MCTP2: variants seen among roughly 807,000 people sequenced by gnomAD.
MCTP2 encodes the protein multiple C2 and transmembrane domain containing 2.
In MCTP2, 132 loss-of-function variants were observed where a neutral mutation model predicts 111.6. The observed-to-expected ratio is 1.18, with a 90% CI of 1.03 to 1.37. The LOEUF (loss-of-function observed/expected upper bound fraction) is 1.37. MCTP2 is among the 40% of genes most tolerant of loss of function. The pLI is 0.00. For synonymous variants in MCTP2, 395 were observed against 387.7 expected (o/e 1.02, Z -0.22); for missense variants, 1,183 against 1,067.9 (o/e 1.11, Z -1.50).
chr15:94,384,844 A>G (rs149863013), intron 13 of MCTP2, among the ~76,000 whole-genome samples: 6,299 of 152,320 alleles, frequency 0.041, 178 homozygotes, highest in Middle Eastern at 0.078. Flanking sequence ...ACTTTTGCCA[A>G]TGGCCAGATA....
At chr15:94,269,733 A>G (rs992720717) in intron 1 of MCTP2, among the ~76,000 whole-genome samples, 11 of 152,184 alleles carry the variant, frequency 7.2e-5, no homozygotes, top group African/African-American at 1.9e-4. Context: ...CACAGAGCCT[A>G]TTATATTCCC....
chr15:94,325,316 A>G (rs2076812663), intron 4 of MCTP2, among the ~76,000 whole-genome samples: 1 of 152,162 alleles, frequency 6.6e-6, no homozygotes, highest in Admixed American at 6.5e-5. Context: ...ATATGCAATA[A>G]ACATTAGCTG....
chr15:94,303,561 A>G lies in MCTP2; in HGVS notation c.465+4831A>G, dbSNP rs140507058. Among the ~76,000 whole-genome samples, 13 of 152,294 alleles carry G rather than the reference A, an allele frequency of 8.5e-5. 1 individual carries two copies. In the East Asian group the frequency reaches 2.5e-3, roughly 29 times the overall value. ...ATCAAGTTGACATTCAGTATTAACT[A>G]TCACACTCCCAGTCATAAAACCATC... is the stretch of plus-strand genomic sequence containing the variant. On this transcript the variant is annotated intron_variant, in intron 2 of 22. Transcript: ENST00000357742.
chr15:94,383,803 G>A (rs758599372), intron 12 of MCTP2, among the ~76,000 whole-genome samples: 34 of 152,136 alleles, frequency 2.2e-4, no homozygotes, highest in African/African-American at 6.0e-4. Context: ...CGTATCAGGC[G>A]GTGTGTTTGT....
At position 94,303,745 on chromosome 15, in the gene MCTP2, C is replaced by T. The variant is rs540974222; in HGVS notation, c.465+5015C>T. Reference sequence around the variant, plus strand: ...ACACGGAGCAAACTTACTTCATATTCATTCTGTTCTACTGAAATCCTTCCC... The same window carrying T: ...ACACGGAGCAAACTTACTTCATATTTATTCTGTTCTACTGAAATCCTTCCC... On this transcript the variant is annotated intron_variant, in intron 2 of 22. Coordinates refer to ENST00000357742, the MANE Select transcript of MCTP2 (RefSeq NM_001385001.1). 3.9e-5 allele frequency among the ~76,000 whole-genome samples: 6 copies of T among 152,232 alleles called. No homozygotes were observed. The South Asian group carries it at 1.2e-3, about 32-fold the overall frequency.
At chr15:94,362,372 A>AT (rs2078986512) in intron 10 of MCTP2, among the ~76,000 whole-genome samples, 2 of 151,384 alleles carry the variant, frequency 1.3e-5, no homozygotes, top group South Asian at 4.1e-4. Context: ...TCATTATAGA[A>AT]TTTTCTAGAC....
Position 94,476,790 on chromosome 15 carries a change from A to G in MCTP2, c.2565A>G (p.Gln855=), listed in dbSNP as rs1256136905. Residue 855 remains glutamine, a synonymous_variant, in exon 22 of 23, where the codon CAA becomes CAG. Transcript: ENST00000357742. The part of the protein sequence containing the change: ...DFLSRVPSDV[Q]KVQYAELKLC... The stretch of plus-strand genomic sequence containing the variant: ...TCTCTAGGGTACCGTCTGATGTTCA[A>G]AAGGTATGTAATGAATGGTTACCAC... 6.4e-7 allele frequency: 1 copy of G among 1,566,244 alleles called. No homozygotes were observed. The highest frequency in any genetic ancestry group is 1.7e-5 in the Admixed American group (1 of 59,892).
At chr15:94,428,991 T>A (rs1347435904) in intron 17 of MCTP2, among the ~76,000 whole-genome samples, 1 of 152,174 alleles carries the variant, frequency 6.6e-6, no homozygotes, top group African/African-American at 2.4e-5. Context: ...ACTCTCCTTT[T>A]CACTCTTCTA....
Position 94,482,064 on chromosome 15 carries a change from A to G in MCTP2, c.*3030A>G, listed in dbSNP as rs2074754226. On this transcript the variant is annotated 3_prime_UTR_variant, in exon 23 of 23. Coordinates refer to ENST00000357742, the MANE Select transcript of MCTP2 (RefSeq NM_001385001.1). ...ATGTTTATTTCTAGGTGGTAAAACA[A>G]TCTTCTGGATTCTTTTTTCTTTACT... The G allele has an allele frequency of 6.6e-6, 1 of 152,222 alleles. No individual in the cohort carries two copies. Among genetic ancestry groups the G allele is most frequent in the Non-Finnish European group, 1.5e-5 (1 of 68,032 alleles). 9.4% of individuals were successfully genotyped at this position (152,222 alleles called of 1,614,324 possible).
chr15:94,379,544 A>C (rs985646232), intron 12 of MCTP2, among the ~76,000 whole-genome samples: 1 of 151,682 alleles, frequency 6.6e-6, no homozygotes, highest in Non-Finnish European at 1.5e-5. Flanking sequence ...TATTGTATTG[A>C]CAGTCTAGGG....
intron 1 of MCTP2, among the ~76,000 whole-genome samples, chr15:94,245,411 TA>T (rs2071826258): frequency 7.3e-6 from 1 of 137,610 alleles, no homozygotes; most frequent in Non-Finnish European, 1.6e-5. Flanking sequence ...TGTATATATT[TA>T]TATACATGTG....
Position 94,369,226 on chromosome 15 carries a change from A to G in MCTP2, c.1489-861A>G, listed in dbSNP as rs182362532. ...GGCAAACTGTTATTAAGCTTGTGTT[A>G]TTCTACCTGAAATGCCTAAATAGCA... On this transcript the variant is annotated intron_variant, in intron 11 of 22. Transcript: ENST00000357742. Among the ~76,000 whole-genome samples the G allele has an allele frequency of 2.0e-5, 3 of 152,346 alleles. No homozygotes were observed. The East Asian group carries it at 5.8e-4, about 29-fold the overall frequency.
chr15:94,417,159 A>G (rs558272302), intron 17 of MCTP2, among the ~76,000 whole-genome samples: 11 of 152,232 alleles, frequency 7.2e-5, no homozygotes, highest in African/African-American at 2.4e-4. Flanking sequence ...AAAATAAACA[A>G]TCCCTTGGCT....
chr15:94,238,627 A>T (rs1030699309), intron 1 of MCTP2, among the ~76,000 whole-genome samples: 2 of 152,206 alleles, frequency 1.3e-5, no homozygotes, highest in Admixed American at 1.3e-4. Context: ...CTCAGAGCTT[A>T]CAGTTGAGAG....
chr15:94,237,092 G>A (rs959372620), intron 1 of MCTP2, among the ~76,000 whole-genome samples: 17 of 152,170 alleles, frequency 1.1e-4, no homozygotes, highest in Non-Finnish European at 1.9e-4. Context: ...CTGAGTCTGA[G>A]ATGTTTGGAT....
chr15:94,420,618 A>T lies in MCTP2; in HGVS notation c.2085+18599A>T, dbSNP rs1042915084. 2.2e-4 allele frequency among the ~76,000 whole-genome samples: 33 copies of T among 152,164 alleles called. 1 individual carries two copies. The highest frequency in any genetic ancestry group is 2.9e-5 in the Non-Finnish European group (2 of 68,028). On this transcript the variant is annotated intron_variant, in intron 17 of 22. Coordinates refer to ENST00000357742, the MANE Select transcript of MCTP2 (RefSeq NM_001385001.1). ...AAGTAAGTTTAGATGTGGCAGAAAT[A>T]GCAAGAATAGAATTAGAAGTAGAGC...
chr15:94,260,131 C>T (rs1284249761), intron 1 of MCTP2, among the ~76,000 whole-genome samples: 3 of 152,186 alleles, frequency 2.0e-5, no homozygotes, highest in African/African-American at 4.8e-5. Flanking sequence ...CTTCTGTTTT[C>T]TCTACCCAAG....
At chr15:94,231,714 C>G (rs953669831) in intron 1 of MCTP2, 50 bp downstream of exon 1, 5 of 152,814 alleles carry the variant, frequency 3.3e-5, no homozygotes, top group African/African-American at 7.2e-5. Flanking sequence ...CCGGGCAGCA[C>G]GGTCGCCGCC....
Position 94,411,939 on chromosome 15 carries a change from T to C in MCTP2, c.2085+9920T>C, listed in dbSNP as rs75138663. 4.5e-3 allele frequency among the ~76,000 whole-genome samples: 678 copies of C among 152,276 alleles called. 1 individual carries two copies. The highest frequency in any genetic ancestry group is 0.014 in the African/African-American group (594 of 41,560). On this transcript the variant is annotated intron_variant, in intron 17 of 22. Transcript: ENST00000357742. ...CCCAAGCTCTTTAAAATTTCTGTTT[T>C]AATTCATTGTCTGGGATGCTTCATT...
Sources: allele counts gnomAD v4.1 joint callset (sites outside exome capture counted in the v4.1 genomes callset), GRCh38; gene constraint gnomAD v4.1.1; transcripts MANE v1.5; gene names NCBI Gene and HGNC (gene_info 2026-07-23, HGNC 2026-07-21).